Variants in ITPR1 observed in about 807,000 individuals in gnomAD.
The protein encoded by ITPR1 is inositol 1,4,5-trisphosphate-gated calcium channel ITPR1.
Under a neutral mutation model 318.4 loss-of-function variants are expected in ITPR1, and 96 were observed. That is an observed-to-expected ratio of 0.30 (90% CI 0.26 to 0.36). The LOEUF (loss-of-function observed/expected upper bound fraction) is 0.36. ITPR1 is among the 10% of genes least tolerant of loss of function. The pLI is 1.00. For synonymous variants in ITPR1, 1,312 were observed against 1,289.9 expected, an observed-to-expected ratio of 1.02 and a Z score of -0.37; for missense variants, 2,440 against 3,460.2, an observed-to-expected ratio of 0.71 and a Z score of 7.40.
Position 4,842,594 on chromosome 3 carries a change from C to A in ITPR1, c.8191-3545C>A, listed in dbSNP as rs1489444029. On this transcript the variant is annotated intron_variant, in intron 61 of 61. Transcript: ENST00000649015. The stretch of plus-strand genomic sequence containing the variant: ...TGTTGGCCAGGCCGGTCTCGAACTC[C>A]TGGCCTCAAGTGATCTGCCTCCCAA... Among the ~76,000 whole-genome samples the A allele has an allele frequency of 2.0e-5, 3 of 152,190 alleles. No individual in the cohort carries two copies. The South Asian group carries it at 6.2e-4, about 32-fold the overall frequency.
chr3:4,662,481 G>C (rs974508024), intron 15 of ITPR1, among the ~76,000 whole-genome samples: 1 of 152,170 alleles, frequency 6.6e-6, no homozygotes, highest in Non-Finnish European at 1.5e-5. Flanking sequence ...CCAGGACTTT[G>C]GGAGGCTGAG....
chr3:4,660,926 T>C, intron 13 of ITPR1, 62 bp from the exon 14 acceptor site: 1 of 773,016 alleles, frequency 1.3e-6, no homozygotes, highest in South Asian at 2.2e-5. Context: ...TATTCTAGAC[T>C]AGGGGCTATA....
At chr3:4,496,082 A>T (rs1322293716) in intron 2 of ITPR1, among the ~76,000 whole-genome samples, 2 of 152,208 alleles carry the variant, frequency 1.3e-5, no homozygotes, top group African/African-American at 4.8e-5. Flanking sequence ...CACAAGGAAC[A>T]TTATGTAAGT....
At chr3:4,611,516 C>T (rs927308922) in intron 4 of ITPR1, among the ~76,000 whole-genome samples, 26 of 151,506 alleles carry the variant, frequency 1.7e-4, no homozygotes, top group Non-Finnish European at 2.8e-4. Context: ...GCCGAGATCA[C>T]GCCACTGTAC....
At chr3:4,605,459 A>T (rs911599307) in intron 4 of ITPR1, among the ~76,000 whole-genome samples, 1 of 152,162 alleles carries the variant, frequency 6.6e-6, no homozygotes, top group Admixed American at 6.5e-5. Context: ...AAAGCATAGG[A>T]TCAGTATTAG....
rs1397267955 is a variant in ITPR1 at position 4,766,587 on chromosome 3, T to C, written c.5602T>C (p.Phe1868Leu). Residue 1868 changes from phenylalanine to leucine, a missense_variant, in exon 45 of 62, where the codon TTT becomes CTT. Coordinates refer to ENST00000649015, the MANE Select transcript of ITPR1 (RefSeq NM_001378452.1). ...GAAGTCAGAGAAATTCTTTAAGGTG[T>C]TTTATGACCGGATGAAGGTGGCCCA... ...DKKSEKFFKV[F>L]YDRMKVAQQE... is the part of the protein sequence containing the mutation. 1 of 1,613,836 alleles carries C rather than the reference T, an allele frequency of 6.2e-7. No homozygotes were observed. The highest frequency in any genetic ancestry group is 1.7e-5 in the Admixed American group (1 of 60,028).
intron 2 of ITPR1, among the ~76,000 whole-genome samples, chr3:4,512,392 A>T (rs2081902031): frequency 6.6e-6 from 1 of 152,202 alleles, no homozygotes; most frequent in South Asian, 2.1e-4. Context: ...CATGCTTTAC[A>T]GGGTTCCTTC....
intron 54 of ITPR1, 113 bp downstream of exon 54, chr3:4,800,713 G>A (rs2048171950): frequency 1.8e-6 from 2 of 1,116,492 alleles, no homozygotes; most frequent in Non-Finnish European, 2.6e-6. Flanking sequence ...ATTATTGTTT[G>A]GGGCAACTGT....
chr3:4,823,868 T>C (rs1270729858), intron 60 of ITPR1, among the ~76,000 whole-genome samples: 2 of 152,222 alleles, frequency 1.3e-5, no homozygotes, highest in Admixed American at 6.5e-5. Flanking sequence ...ATATACCCCA[T>C]ACATTTGTAC....
At chr3:4,748,953 C>G (rs909011813) in intron 44 of ITPR1, among the ~76,000 whole-genome samples, 8 of 152,184 alleles carry the variant, frequency 5.3e-5, no homozygotes, top group Non-Finnish European at 1.2e-4. Flanking sequence ...TTGTTTTCCT[C>G]CGCGGGGATT....
In ITPR1 at chr3:4,693,873, G is replaced by A. The variant is rs191237874; in HGVS notation, c.4281+132G>A. ...TCTGAAAGCTGCAGCTCATTTTGTAGTGGGATTTCAGTTCCCTAAAACATT... is the reference window on the plus strand; with the variant it reads ...TCTGAAAGCTGCAGCTCATTTTGTAATGGGATTTCAGTTCCCTAAAACATT... On this transcript the variant is annotated intron_variant, in intron 33 of 61. Coordinates refer to ENST00000649015, the MANE Select transcript of ITPR1 (RefSeq NM_001378452.1). 8 of 920,896 alleles carry A rather than the reference G, an allele frequency of 8.7e-6. No homozygotes were observed. The Admixed American group carries it at 2.0e-4, about 23-fold the overall frequency. The allele number at this position is 920,896 out of a possible 1,614,324, so 57.0% of individuals were successfully genotyped here.
chr3:4,718,311 A>T (rs2041916038), intron 40 of ITPR1, among the ~76,000 whole-genome samples: 1 of 152,224 alleles, frequency 6.6e-6, no homozygotes, highest in Non-Finnish European at 1.5e-5. Flanking sequence ...CACTTCTCTG[A>T]TCTACTTCAG....
chr3:4,599,660 C>T (rs1479123062), intron 4 of ITPR1, among the ~76,000 whole-genome samples: 2 of 152,122 alleles, frequency 1.3e-5, no homozygotes, highest in South Asian at 2.1e-4. Flanking sequence ...GAACTCTAAA[C>T]GTGAAAATGG....
intron 4 of ITPR1, among the ~76,000 whole-genome samples, chr3:4,607,889 T>C (rs910845071): frequency 3.3e-5 from 5 of 152,098 alleles, no homozygotes; most frequent in Admixed American, 2.6e-4. Context: ...AAGTTGCATA[T>C]CTTGTGACTT....
chr3:4,678,975 G>A (rs1216925350), intron 24 of ITPR1, among the ~76,000 whole-genome samples: 2 of 152,172 alleles, frequency 1.3e-5, no homozygotes, highest in African/African-American at 2.4e-5. Context: ...GTCTTCAAGC[G>A]GGAGCTTAAC....
chr3:4,618,421 G>A (rs547466531), intron 4 of ITPR1, among the ~76,000 whole-genome samples: 1 of 152,210 alleles, frequency 6.6e-6, no homozygotes, highest in East Asian at 1.9e-4. Context: ...TGTTAGCTTT[G>A]TGACACTTCT....
At chr3:4,760,615 G>A (rs2045369698) in intron 44 of ITPR1, among the ~76,000 whole-genome samples, 1 of 152,162 alleles carries the variant, frequency 6.6e-6, no homozygotes, top group Admixed American at 6.5e-5. Flanking sequence ...AGTCTTACTA[G>A]ACTAGACTAA....
At chr3:4,809,839 T>A (rs2048825638) in intron 55 of ITPR1, among the ~76,000 whole-genome samples, 1 of 152,232 alleles carries the variant, frequency 6.6e-6, no homozygotes, top group Non-Finnish European at 1.5e-5. Context: ...TACTTGCCAC[T>A]TTATATTGAG....
chr3:4,519,235 T>C (rs73127268), intron 3 of ITPR1, among the ~76,000 whole-genome samples: 1 of 152,280 alleles, frequency 6.6e-6, no homozygotes, highest in East Asian at 1.9e-4. Flanking sequence ...TTATTTATTT[T>C]TTTTTTTCTT....
Sources: allele counts gnomAD v4.1 joint callset (sites outside exome capture counted in the v4.1 genomes callset), GRCh38; gene constraint gnomAD v4.1.1; transcripts MANE v1.5; gene names NCBI Gene and HGNC (gene_info 2026-07-23, HGNC 2026-07-21).